Variants in ATRNL1 observed in about 807,000 individuals in gnomAD.
The protein encoded by ATRNL1 is attractin like 1.
ATRNL1 carries 95 observed loss-of-function variants against 182.7 expected under a neutral mutation model. That is an observed-to-expected ratio of 0.52 (90% CI 0.44 to 0.62). The LOEUF is 0.62. Ranked by LOEUF, ATRNL1 falls within the 20% of genes least tolerant of loss-of-function variation. The probability of loss-of-function intolerance (pLI) is 0.00; values close to 1 mark genes in which losing one functional copy is unlikely to be tolerated. For missense variants in ATRNL1, 1,471 were observed against 1,679.5 expected, an observed-to-expected ratio of 0.88 and a Z score of 2.17; for synonymous variants, 576 against 568.3, an observed-to-expected ratio of 1.01 and a Z score of -0.19.
chr10:115,634,153 T>G (rs1555027291), intron 26 of ATRNL1, among the ~76,000 whole-genome samples: 2 of 152,136 alleles, frequency 1.3e-5, no homozygotes, highest in Admixed American at 1.3e-4. Context: ...CAAACTAGTT[T>G]TATTCACTAA....
chr10:115,406,429 T>C (rs1565007445), intron 20 of ATRNL1, among the ~76,000 whole-genome samples: 1 of 152,114 alleles, frequency 6.6e-6, no homozygotes, highest in Non-Finnish European at 1.5e-5. Flanking sequence ...TTTTCAACTT[T>C]GGAAAATTAA....
intron 20 of ATRNL1, among the ~76,000 whole-genome samples, chr10:115,411,242 A>G (rs1236886196): frequency 6.7e-6 from 1 of 150,278 alleles, no homozygotes; most frequent in Non-Finnish European, 1.5e-5. Context: ...AAGTGTTCGT[A>G]TTATAAATTC....
chr10:115,197,594 T>A (rs1247087689), intron 8 of ATRNL1, among the ~76,000 whole-genome samples: 2 of 152,098 alleles, frequency 1.3e-5, no homozygotes, highest in Non-Finnish European at 2.9e-5. Flanking sequence ...TAAGGTCAAA[T>A]AAGATTACAC....
chr10:115,861,444 T>G (rs781857075), intron 28 of ATRNL1, among the ~76,000 whole-genome samples: 20 of 152,326 alleles, frequency 1.3e-4, no homozygotes, highest in Non-Finnish European at 2.2e-4. Context: ...ACTCTTAAGC[T>G]AGCTGTAAAT....
intron 26 of ATRNL1, among the ~76,000 whole-genome samples, chr10:115,555,154 C>T (rs1042436374): frequency 4.0e-5 from 6 of 151,626 alleles, no homozygotes; most frequent in Non-Finnish European, 8.9e-5. Context: ...CCCTGGAGCT[C>T]AGGGGTGGGT....
chr10:115,294,055 G>A (rs898204807), intron 15 of ATRNL1, among the ~76,000 whole-genome samples: 11 of 152,200 alleles, frequency 7.2e-5, no homozygotes, highest in African/African-American at 2.4e-4. Flanking sequence ...CTAGACACCT[G>A]TTCCCTTCTG....
rs192116398 is a variant in ATRNL1, at chr10:115,235,392, T to C, written c.1533-6179T>C. On this transcript the variant is annotated intron_variant, in intron 9 of 28. Transcript: ENST00000355044. The stretch of plus-strand genomic sequence containing the variant: ...AAACCCCATACCTGTCTATTCTCTC[T>C]ATCTCCATCTTCTGGCAACCACTAA... Among the ~76,000 whole-genome samples, 22 of 152,302 alleles carry C rather than the reference T, an allele frequency of 1.4e-4. No homozygotes were observed. In the East Asian group the frequency reaches 4.0e-3, roughly 28 times the overall value.
intron 5 of ATRNL1, among the ~76,000 whole-genome samples, chr10:115,139,778 A>G (rs1355494529): frequency 1.3e-5 from 2 of 152,320 alleles, no homozygotes; most frequent in East Asian, 1.9e-4. Flanking sequence ...GGCAACAACT[A>G]TAATAAGTAG....
chr10:115,352,984 G>C (rs1319685856), intron 19 of ATRNL1, among the ~76,000 whole-genome samples: 1 of 152,204 alleles, frequency 6.6e-6, no homozygotes, highest in Non-Finnish European at 1.5e-5. Flanking sequence ...CCTGGCCTAA[G>C]AGATGGTCTG....
At chr10:115,671,014 ATATT>A (rs1475370879) in intron 26 of ATRNL1, among the ~76,000 whole-genome samples, 1 of 152,128 alleles carries the variant, frequency 6.6e-6, no homozygotes, top group Admixed American at 6.6e-5. Flanking sequence ...TTTTGAATAT[ATATT>A]CTGTGGTAGT....
At chr10:115,423,584 C>T (rs1386812990) in intron 20 of ATRNL1, among the ~76,000 whole-genome samples, 1 of 152,024 alleles carries the variant, frequency 6.6e-6, no homozygotes, top group Non-Finnish European at 1.5e-5. Flanking sequence ...TAAAAAGACA[C>T]ACAAACTAAT....
At chr10:115,152,314 C>G (rs1283482359) in intron 5 of ATRNL1, among the ~76,000 whole-genome samples, 1 of 152,160 alleles carries the variant, frequency 6.6e-6, no homozygotes, top group African/African-American at 2.4e-5. Context: ...GCAGTATGGC[C>G]ATTTTCACGA....
At chr10:115,623,881 G>A (rs1555023842) in intron 26 of ATRNL1, among the ~76,000 whole-genome samples, 2 of 151,942 alleles carry the variant, frequency 1.3e-5, no homozygotes, top group African/African-American at 2.4e-5. Context: ...ACATTTCAAC[G>A]GGGCCAAGCA....
At chr10:115,287,620 G>A (rs1554919456) in intron 15 of ATRNL1, among the ~76,000 whole-genome samples, 3 of 151,858 alleles carry the variant, frequency 2.0e-5, no homozygotes, top group African/African-American at 7.3e-5. Context: ...ACATAGTGCT[G>A]GTTTAATACA....
chr10:115,433,072 T>A (rs1466245231), intron 21 of ATRNL1, among the ~76,000 whole-genome samples: 3 of 152,086 alleles, frequency 2.0e-5, no homozygotes, highest in African/African-American at 7.2e-5. Context: ...TTGAACACAT[T>A]TTATTTCATC....
intron 27 of ATRNL1, among the ~76,000 whole-genome samples, chr10:115,782,982 T>C (rs1555079628): frequency 6.6e-6 from 1 of 152,196 alleles, no homozygotes; most frequent in Non-Finnish European, 1.5e-5. Context: ...ACTTAGCCTG[T>C]TTTAAACAAT....
intron 27 of ATRNL1, among the ~76,000 whole-genome samples, chr10:115,818,090 T>A (rs556463972): frequency 6.6e-6 from 1 of 152,118 alleles, no homozygotes; most frequent in African/African-American, 2.4e-5. Context: ...CTGTGCAAAT[T>A]GCCTTTCATT....
At position 115,616,802 on chromosome 10, in the gene ATRNL1, A is replaced by G. The variant is rs551987064; in HGVS notation, c.3795+67266A>G. 1.3e-4 allele frequency among the ~76,000 whole-genome samples: 20 copies of G among 152,366 alleles called. 1 individual carries two copies. In the South Asian group the frequency reaches 4.1e-3, roughly 32 times the overall value. On this transcript the variant is annotated intron_variant, in intron 26 of 28. Transcript: ENST00000355044. ...TGCACACAGTGCAAGATTTGAGGCT[A>G]GAGAACCTCTGCCTAGATTTCAGAG... is the stretch of plus-strand genomic sequence containing the variant.
intron 19 of ATRNL1, among the ~76,000 whole-genome samples, chr10:115,367,833 G>A (rs11197186): frequency 0.22 from 31,032 of 143,548 alleles, 4,256 homozygotes; most frequent in Non-Finnish European, 0.31. Context: ...AGGCTGCTCG[G>A]GGGTCAGGGG....
Sources: allele counts gnomAD v4.1 joint callset (sites outside exome capture counted in the v4.1 genomes callset), GRCh38; gene constraint gnomAD v4.1.1; transcripts MANE v1.5; gene names NCBI Gene and HGNC (gene_info 2026-07-23, HGNC 2026-07-21).